SYNE2: variants seen among roughly 807,000 people sequenced by gnomAD.
The protein encoded by SYNE2 is nesprin-2.
SYNE2 carries 431 observed loss-of-function variants against 856.3 expected under a neutral mutation model. The observed-to-expected ratio is 0.50, with a 90% CI of 0.47 to 0.55. The LOEUF is 0.55. Ranked by LOEUF, SYNE2 falls within the 20% of genes least tolerant of loss-of-function variation. SYNE2 has a pLI of 0.00. For missense variants in SYNE2, 8,129 were observed against 8,023.2 expected, an observed-to-expected ratio of 1.01 and a Z score of -0.50; for synonymous variants, 2,923 against 2,872.3, an observed-to-expected ratio of 1.02 and a Z score of -0.56.
At chr14:63,815,207 TATATATATCCATATATATATCC>T (rs1888914165) in intron 1 of SYNE2, among the ~76,000 whole-genome samples, 2 of 131,854 alleles carry the variant, frequency 1.5e-5, no homozygotes, top group East Asian at 4.4e-4. Flanking sequence ...TATATATCCA[TATATATATCCATATATATATCC>T]ATATATATAT....
chr14:63,988,093 C>CT lies in SYNE2; in HGVS notation c.2313+1484dup, dbSNP rs1274216582. Among the ~76,000 whole-genome samples the CT allele has an allele frequency of 1.6e-3, 239 of 151,822 alleles. 2 individuals carry two copies. The highest frequency in any genetic ancestry group is 5.6e-3 in the African/African-American group (232 of 41,408). The stretch of plus-strand genomic sequence containing the variant: ...AGACATAAAATAAATATTTTCTTTC[C>CT]TTTTTTTTGAGACAGGGTTCTGCTC... On this transcript the variant is annotated intron_variant, in intron 19 of 115. Transcript: ENST00000555002.
intron 1 of SYNE2, among the ~76,000 whole-genome samples, chr14:63,875,370 G>C (rs2094691126): frequency 6.6e-6 from 1 of 152,128 alleles, no homozygotes; most frequent in Non-Finnish European, 1.5e-5. Flanking sequence ...GCATCTTTAT[G>C]AACAGTTGTG....
chr14:64,186,061 C>T (rs896876373), intron 96 of SYNE2, among the ~76,000 whole-genome samples: 1 of 151,912 alleles, frequency 6.6e-6, no homozygotes, highest in African/African-American at 2.4e-5. Flanking sequence ...AATGTAGTTT[C>T]AGGATTAAAA....
chr14:63,920,930 A>G (rs944610073), intron 2 of SYNE2, among the ~76,000 whole-genome samples: 4 of 152,054 alleles, frequency 2.6e-5, no homozygotes, highest in East Asian at 1.9e-4. Flanking sequence ...CCTGGCCAAC[A>G]TGGCAAAACC....
At chr14:64,035,515 A>ATTTTTTTTTTTTTTTTTTTTTTTTTTTT (rs35030710) in intron 45 of SYNE2, among the ~76,000 whole-genome samples, 1 of 121,714 alleles carries the variant, frequency 8.2e-6, no homozygotes, top group Non-Finnish European at 1.7e-5. Flanking sequence ...TACATGGTAC[A>ATTTTTTTTTTTTTTTTTTTTTTTTTTTT]TTTTTTTTTT....
chr14:63,978,564 G>C (rs150857617), intron 13 of SYNE2, among the ~76,000 whole-genome samples: 26 of 152,278 alleles, frequency 1.7e-4, no homozygotes, highest in African/African-American at 6.3e-4. Context: ...TTCAGATTTA[G>C]TAAACTATTT....
At chr14:64,071,750 C>A (rs1160858544) in intron 52 of SYNE2, among the ~76,000 whole-genome samples, 1 of 152,206 alleles carries the variant, frequency 6.6e-6, no homozygotes, top group Non-Finnish European at 1.5e-5. Flanking sequence ...GGCATGGTGG[C>A]TCACGCCTGT....
intron 103 of SYNE2, among the ~76,000 whole-genome samples, chr14:64,210,346 A>G (rs375087571): frequency 6.6e-6 from 1 of 152,162 alleles, no homozygotes; most frequent in East Asian, 1.9e-4. Flanking sequence ...TGTTGATGAG[A>G]TTTGCGTTAC....
At chr14:64,082,967 C>G (rs2153614677) in intron 57 of SYNE2, among the ~76,000 whole-genome samples, 1 of 152,258 alleles carries the variant, frequency 6.6e-6, no homozygotes, top group Non-Finnish European at 1.5e-5. Context: ...AGGGAAGTTG[C>G]ATTGCGCAGG....
rs1470810415 is a variant in SYNE2 at position 63,978,933 on chromosome 14, T to G, written c.1488T>G (p.Asp496Glu). 3 of 1,613,342 alleles carry G rather than the reference T, an allele frequency of 1.9e-6. No homozygotes were observed. In the Admixed American group the frequency reaches 5.0e-5, roughly 27 times the overall value. Residue 496 changes from aspartate to glutamate, a missense_variant, in exon 14 of 116, where the codon GAT becomes GAG. Transcript: ENST00000555002. ...AGTGCTTAGTTCTTGGTTTGGTAGA[T>G]GAAGTGAAATCAAAATTGGATATTT... ...YYKCLVLGLV[D>E]EVKSKLDIWN...
chr14:63,919,912 T>C (rs972018791), intron 2 of SYNE2, among the ~76,000 whole-genome samples: 1 of 151,114 alleles, frequency 6.6e-6, no homozygotes, highest in Non-Finnish European at 1.5e-5. Flanking sequence ...AGTCACTTGA[T>C]TTATACTTTC....
intron 1 of SYNE2, among the ~76,000 whole-genome samples, chr14:63,811,508 C>A (rs1257705822): frequency 1.3e-5 from 2 of 152,148 alleles, no homozygotes; most frequent in Admixed American, 6.5e-5. Flanking sequence ...AGTAATCCTC[C>A]AGCCTTGGCC....
Position 64,096,175 on chromosome 14 carries a change from G to A in SYNE2, c.12109-1774G>A, listed in dbSNP as rs554509367. Among the ~76,000 whole-genome samples, 3 of 152,154 alleles carry A rather than the reference G, an allele frequency of 2.0e-5. No homozygotes were observed. In the South Asian group the frequency reaches 6.2e-4, roughly 32 times the overall value. On this transcript the variant is annotated intron_variant, in intron 61 of 115. Coordinates refer to ENST00000555002, the MANE Select transcript of SYNE2 (RefSeq NM_182914.3). ...TACCCAGTCACAGATATTCTGTTAC[G>A]GCAGCACAAATAAACTAAGACACAT...
Position 64,219,390 on chromosome 14 carries a change from C to T in SYNE2, c.19840C>T (p.Leu6614=). ...TCCCTCTGATATCCAGGAAATAGAACTGAGAGTGAAGAGACTGCAGGTGAG... is the reference window on the plus strand; with the variant it reads ...TCCCTCTGATATCCAGGAAATAGAATTGAGAGTGAAGAGACTGCAGGTGAG... ...KPPSDIQEIE[L]RVKRLQEILK... is the part of the protein sequence containing the mutation. The change falls in exon 110 of 116, where the codon CTG becomes TTG. Residue 6614 remains leucine, a synonymous_variant. Coordinates refer to ENST00000555002, the MANE Select transcript of SYNE2 (RefSeq NM_182914.3). The T allele has an allele frequency of 6.2e-7, 1 of 1,614,038 alleles. No individual in the cohort carries two copies. Among genetic ancestry groups the T allele is most frequent in the Non-Finnish European group, 8.5e-7 (1 of 1,180,036 alleles).
At position 63,991,229 on chromosome 14, in the gene SYNE2, A is replaced by T. The variant is rs1594718538; in HGVS notation, c.2646+114A>T. The T allele has an allele frequency of 1.2e-5, 13 of 1,064,222 alleles. No homozygotes were observed. In the East Asian group the frequency reaches 3.4e-4, roughly 27 times the overall value. 65.9% of individuals were successfully genotyped at this position (1,064,222 alleles called of 1,614,324 possible). On this transcript the variant is annotated intron_variant, in intron 21 of 115. Transcript: ENST00000555002. ...TATACTGAGTTACTGTAACTTAAAA[A>T]GAATTTCCCAGTATTCTATATTGTT...
chr14:64,049,826 A>G lies in SYNE2; in HGVS notation c.7593A>G (p.Ala2531=), dbSNP rs936731365. 1.9e-6 allele frequency: 3 copies of G among 1,614,048 alleles called. No homozygotes were observed. In the African/African-American group the frequency reaches 4.0e-5, roughly 22 times the overall value. ...VLRDFQEYLA[A]VESSMKALLT... ...GAGATTTTCAGGAATACCTTGCTGC[A>G]GTTGAATCTTCAATGAAAGCCTTGT... Residue 2531 remains alanine (A), a synonymous_variant, in exon 47 of 116, where the codon GCA becomes GCG. Transcript: ENST00000555002.
intron 1 of SYNE2, among the ~76,000 whole-genome samples, chr14:63,796,627 T>A (rs1887923134): frequency 6.6e-6 from 1 of 152,152 alleles, no homozygotes; most frequent in Non-Finnish European, 1.5e-5. Flanking sequence ...ATCAGTCTTC[T>A]AGACACAAAT....
In SYNE2 at chr14:64,067,682, T is replaced by C. The variant is rs145383714; in HGVS notation, c.10431+2032T>C. On this transcript the variant is annotated intron_variant, in intron 51 of 115. Coordinates refer to ENST00000555002, the MANE Select transcript of SYNE2 (RefSeq NM_182914.3). ...AAAAATTAAATGCCTGTTTGTAAGT[T>C]TACAAATTAAAAACTAAATTTAAAT... is the stretch of plus-strand genomic sequence containing the variant. Among the ~76,000 whole-genome samples the C allele has an allele frequency of 5.8e-3, 883 of 152,326 alleles. 6 individuals carry two copies. The highest frequency in any genetic ancestry group is 0.02 in the African/African-American group (842 of 41,572).
At chr14:63,921,692 C>G (rs544463524) in intron 2 of SYNE2, among the ~76,000 whole-genome samples, 4 of 151,872 alleles carry the variant, frequency 2.6e-5, no homozygotes, top group African/African-American at 9.7e-5. Context: ...TGGGGCAGCC[C>G]GAAATATATA....
Sources: gnomAD v4.1 joint callset for allele counts (sites outside exome capture counted in the v4.1 genomes callset) on GRCh38, gnomAD v4.1.1 for gene constraint, MANE v1.5 for transcripts, NCBI Gene and HGNC (gene_info 2026-07-23, HGNC 2026-07-21) for gene names.